The following PCDHA1 variants were observed in gnomAD, a reference collection of about 807,000 sequenced individuals.
The protein encoded by PCDHA1 is protocadherin alpha 1, also known as protocadherin alpha-1.
In PCDHA1, 42 loss-of-function variants were observed where a neutral mutation model predicts 61.3. The ratio of observed to expected loss-of-function variants is 0.69; its 90% CI spans 0.54 to 0.89. PCDHA1 has a LOEUF of 0.89. Ranked by LOEUF, PCDHA1 falls within the 40% of genes least tolerant of loss-of-function variation. The probability of loss-of-function intolerance (pLI) is 0.00; values close to 1 mark genes in which losing one functional copy is unlikely to be tolerated. For missense variants in PCDHA1, 1,256 were observed against 1,235.3 expected (o/e 1.02, Z -0.25); for synonymous variants, 610 against 553.8 (o/e 1.10, Z -1.43).
At chr5:140,803,841 T>G (rs1763288452) in intron 1 of PCDHA1, 3 of 604,004 alleles carry the variant, frequency 5.0e-6, no homozygotes, top group Non-Finnish European at 8.5e-6. Context: ...AGAATTATTT[T>G]ATTGCTAAAT....
chr5:140,834,303 G>A (rs797039275), intron 1 of PCDHA1: 4 of 1,308,316 alleles, frequency 3.1e-6, no homozygotes, highest in Admixed American at 2.2e-5. Context: ...CACACATCGA[G>A]ATTGAAATGA....
intron 1 of PCDHA1, among the ~76,000 whole-genome samples, chr5:140,977,305 AC>A (rs1424604910): frequency 6.6e-6 from 1 of 152,258 alleles, no homozygotes; most frequent in African/African-American, 2.4e-5. Flanking sequence ...TGACAAGCTA[AC>A]GATAGTGCTC....
intron 1 of PCDHA1, chr5:140,836,100 A>C (rs2150252810): frequency 8.7e-6 from 14 of 1,613,582 alleles, no homozygotes; most frequent in Non-Finnish European, 1.2e-5. Context: ...GGTGGGTGGC[A>C]CTGGTGGCGC....
intron 3 of PCDHA1, among the ~76,000 whole-genome samples, chr5:140,991,446 A>G (rs782325342): frequency 6.6e-6 from 1 of 152,202 alleles, no homozygotes; most frequent in Non-Finnish European, 1.5e-5. Flanking sequence ...ATGGCTTAAA[A>G]CAACACAATG....
At chr5:140,841,206 G>A (rs1278287433) in intron 1 of PCDHA1, 13 of 1,350,372 alleles carry the variant, frequency 9.6e-6, no homozygotes, top group Admixed American at 2.4e-5. Flanking sequence ...GACAGCATCT[G>A]TCTCTAAAGG....
At chr5:140,789,752 T>A (rs1165340534) in intron 1 of PCDHA1, among the ~76,000 whole-genome samples, 1 of 152,044 alleles carries the variant, frequency 6.6e-6, no homozygotes, top group Admixed American at 6.5e-5. Flanking sequence ...TCCAACGATT[T>A]TATGAAGTGA....
At chr5:140,936,571 C>G (rs2153629502) in intron 1 of PCDHA1, among the ~76,000 whole-genome samples, 1 of 152,342 alleles carries the variant, frequency 6.6e-6, no homozygotes, top group African/African-American at 2.4e-5. Flanking sequence ...ATATTTTCCA[C>G]TTGTAAATCC....
chr5:140,996,130 G>A (rs1185857732), intron 3 of PCDHA1, among the ~76,000 whole-genome samples: 2 of 152,162 alleles, frequency 1.3e-5, no homozygotes, highest in African/African-American at 4.8e-5. Flanking sequence ...GGTGTAGAGG[G>A]TTCTCCCATT....
intron 1 of PCDHA1, chr5:140,821,815 C>T (rs2150110847): frequency 5.4e-5 from 87 of 1,613,842 alleles, no homozygotes; most frequent in Non-Finnish European, 6.0e-5. Flanking sequence ...ATCCCGGCTC[C>T]TGCTGCTCTG....
rs1266329271 is a variant in PCDHA1 at position 140,801,318 on chromosome 5, C to T, written c.2394+12634C>T. 1.9e-6 allele frequency: 3 copies of T among 1,613,344 alleles called. No homozygotes were observed. The East Asian group carries it at 6.7e-5, about 36-fold the overall frequency. ...CTACTCCGTCTCTGAGGAGGCCAAG[C>T]ATGGCACCTTCGTGGGCCGCATCGC... On this transcript the variant is annotated intron_variant, in intron 1 of 3. Coordinates refer to ENST00000504120, the MANE Select transcript of PCDHA1 (RefSeq NM_018900.4).
intron 1 of PCDHA1, chr5:140,883,601 G>T: frequency 1.2e-6 from 2 of 1,614,022 alleles, no homozygotes; most frequent in Non-Finnish European, 1.7e-6. Flanking sequence ...GTCGGTGGGG[G>T]TGGCCGACGT....
intron 1 of PCDHA1, chr5:140,836,929 A>G (rs1244897487): frequency 4.0e-6 from 2 of 498,160 alleles, no homozygotes; most frequent in Non-Finnish European, 6.9e-6. Flanking sequence ...GGGATGCGTA[A>G]TACTATAGAT....
At chr5:140,918,982 G>C (rs1554198889) in intron 1 of PCDHA1, among the ~76,000 whole-genome samples, 1 of 152,188 alleles carries the variant, frequency 6.6e-6, no homozygotes, top group Non-Finnish European at 1.5e-5. Flanking sequence ...AGGTTAGTTG[G>C]TTTTTAGTGT....
intron 1 of PCDHA1, chr5:140,883,569 C>A (rs781786717): frequency 1.9e-6 from 3 of 1,614,134 alleles, no homozygotes; most frequent in South Asian, 2.2e-5. Flanking sequence ...GGCTCGCCTT[C>A]GCTGTGGGCC....
chr5:140,843,498 T>C (rs1554140141), intron 1 of PCDHA1: 1 of 1,595,918 alleles, frequency 6.3e-7, no homozygotes, highest in Admixed American at 1.7e-5. Flanking sequence ...TGCTCAGCAC[T>C]GCCCACTGAG....
intron 1 of PCDHA1, among the ~76,000 whole-genome samples, chr5:140,949,539 A>G (rs971813092): frequency 6.6e-6 from 1 of 151,744 alleles, no homozygotes; most frequent in Admixed American, 6.6e-5. Context: ...TAAAATATCG[A>G]TTTGTTGCTG....
chr5:140,954,025 C>T (rs533473552), intron 1 of PCDHA1, among the ~76,000 whole-genome samples: 385 of 152,188 alleles, frequency 2.5e-3, no homozygotes, highest in Middle Eastern at 0.014. Context: ...CATAGTGGGA[C>T]GATGTGGTAT....
chr5:140,822,599 A>G, intron 1 of PCDHA1: 1 of 1,612,082 alleles, frequency 6.2e-7, no homozygotes, highest in Admixed American at 1.7e-5. Context: ...ATCAATAAGG[A>G]AATAGTGTAT....
intron 1 of PCDHA1, among the ~76,000 whole-genome samples, chr5:140,971,500 T>C (rs2096483313): frequency 1.3e-5 from 2 of 152,136 alleles, no homozygotes; most frequent in Admixed American, 1.3e-4. Context: ...TGTGGCAAGA[T>C]AGGAGCAAAA....
Sources: allele counts gnomAD v4.1 joint callset (sites outside exome capture counted in the v4.1 genomes callset), GRCh38; gene constraint gnomAD v4.1.1; transcripts MANE v1.5; gene names NCBI Gene and HGNC (gene_info 2026-07-23, HGNC 2026-07-21).